Variants in NGB observed in about 807,000 individuals in gnomAD.
The protein encoded by NGB is neuroglobin.
A neutral mutation model predicts 17.3 loss-of-function variants in NGB; 12 were observed. The ratio of observed to expected loss-of-function variants is 0.69; its 90% CI spans 0.45 to 1.13. The LOEUF is 1.13. NGB is among the 50% of genes most tolerant of loss of function. The pLI is 0.00. For synonymous variants in NGB, 87 were observed against 81.0 expected (o/e 1.07, Z -0.40); for missense variants, 195 against 191.7 (o/e 1.02, Z -0.10).
intron 1 of NGB, among the ~76,000 whole-genome samples, chr14:77,269,707 T>C (rs1594876838): frequency 1.4e-3 from 2 of 1,426 alleles, no homozygotes; most frequent in African/African-American, 4.0e-3. Context: ...TCTCTCTCTC[T>C]CTCTCTCTCT....
At position 77,268,415 on chromosome 14, in the gene NGB, A is replaced by C. The variant is rs748537518; in HGVS notation, c.321+51T>G. 2.5e-6 allele frequency: 4 copies of C among 1,590,094 alleles called. No homozygotes were observed. In the East Asian group the frequency reaches 9.0e-5, roughly 36 times the overall value. ...TGGCAAGGGGAGGTCTGGGAGAGAG[A>C]AGTGGCCCCAGGCCAGGAGCTCTGG... On this transcript the variant is annotated intron_variant, in intron 3 of 3. Transcript: ENST00000298352.
intron 1 of NGB, among the ~76,000 whole-genome samples, chr14:77,270,054 G>A (rs929272159): frequency 6.6e-6 from 1 of 151,946 alleles, no homozygotes; most frequent in African/African-American, 2.4e-5. Context: ...CGGCATTTGG[G>A]AGGTCTCACC....
In NGB at chr14:77,266,396, C is replaced by T. The variant is rs556344685; in HGVS notation, c.*140G>A. 2.5e-6 allele frequency: 3 copies of T among 1,202,764 alleles called. No individual in the cohort carries two copies. In the East Asian group the frequency reaches 7.0e-5, roughly 28 times the overall value. 74.5% of individuals were successfully genotyped at this position (1,202,764 alleles called of 1,614,324 possible). The stretch of plus-strand genomic sequence containing the variant: ...AGCTGGACTCTAGGATACTGAGACC[C>T]AGCCCTGCCCCATCACCTCTCCAGT... On this transcript the variant is annotated 3_prime_UTR_variant, in exon 4 of 4. Transcript: ENST00000298352.
chr14:77,266,468 T>TG lies in NGB; in HGVS notation c.*67dup. 1 of 1,573,186 alleles carries TG rather than the reference T, an allele frequency of 6.4e-7. No homozygotes were observed. Among genetic ancestry groups the TG allele is most frequent in the Non-Finnish European group, 8.6e-7 (1 of 1,156,690 alleles). On this transcript the variant is annotated 3_prime_UTR_variant, in exon 4 of 4. Coordinates refer to ENST00000298352, the MANE Select transcript of NGB (RefSeq NM_021257.4). ...AAGATGCAGGGAAGCTTGGGGAGCC[T>TG]GGGCTACAACAGATACAGGCCAACA...
At chr14:77,269,947 C>A (rs1419972743) in intron 1 of NGB, among the ~76,000 whole-genome samples, 3 of 151,634 alleles carry the variant, frequency 2.0e-5, no homozygotes, top group African/African-American at 7.3e-5. Context: ...CTAGAACTCG[C>A]CTAAGGTCAC....
intron 3 of NGB, among the ~76,000 whole-genome samples, chr14:77,267,614 A>G (rs1017055643): frequency 1.3e-5 from 2 of 152,190 alleles, no homozygotes; most frequent in Non-Finnish European, 2.9e-5. Flanking sequence ...ATAATAAAAT[A>G]AGGTTTATTT....
chr14:77,269,213 A>C lies in NGB; in HGVS notation c.201+2T>G, dbSNP rs1020347668. ...GTCACAGCAGCTCTGCCTCCCTCTCACCTTCCTGATGTGGTCCAGGAACTC... is the reference window on the plus strand; with the variant it reads ...GTCACAGCAGCTCTGCCTCCCTCTCCCCTTCCTGATGTGGTCCAGGAACTC... On this transcript the variant is annotated splice_donor_variant, in intron 2 of 3. Transcript: ENST00000298352. LOFTEE classifies it high-confidence loss of function. 3.9e-6 allele frequency: 6 copies of C among 1,538,204 alleles called. No individual in the cohort carries two copies. The highest frequency in any genetic ancestry group is 3.9e-5 in the Admixed American group (2 of 50,934).
intron 3 of NGB, 122 bp from the exon 4 acceptor site, chr14:77,266,792 T>C (rs1889678670): frequency 9.2e-7 from 1 of 1,082,330 alleles, no homozygotes; most frequent in Non-Finnish European, 1.3e-6. Context: ...CTCTCCTGCA[T>C]TGAGTCCATG....
Position 77,269,250 on chromosome 14 carries a change from G to A in NGB, c.166C>T (p.Leu56Phe). Residue 56 changes from leucine to phenylalanine, a missense_variant, in exon 2 of 4, where the codon CTC (leucine) becomes TTC (phenylalanine). Coordinates refer to ENST00000298352, the MANE Select transcript of NGB (RefSeq NM_021257.4). Reference protein sequence around the residue: ...CRQFSSPEDCLSSPEFLDHIR... With the variant: ...CRQFSSPEDCFSSPEFLDHIR... ...TGGTCCAGGAACTCAGGCGAGGAGA[G>A]ACAGTCCTCTGGGCTGGAGAACTGG... is the stretch of plus-strand genomic sequence containing the variant. 6.4e-7 allele frequency: 1 copy of A among 1,551,690 alleles called. No individual in the cohort carries two copies. The highest frequency in any genetic ancestry group is 8.7e-7 in the Non-Finnish European group (1 of 1,146,864).
chr14:77,269,667 T>G (rs899057177), intron 1 of NGB, among the ~76,000 whole-genome samples: 1 of 124,270 alleles, frequency 8.0e-6, no homozygotes, highest in Non-Finnish European at 1.7e-5. Context: ...AGGAAAGCCC[T>G]TTCTCTCTCT....
rs1254154021 is a variant in NGB at position 77,265,546 on chromosome 14, CA to C, written c.*989del. The stretch of plus-strand genomic sequence containing the variant: ...TTATAGGACCACAGTCAGCACAGAG[CA>C]AATGGTACAAGTGCAGATGGCTGGG... On this transcript the variant is annotated 3_prime_UTR_variant, in exon 4 of 4. Transcript: ENST00000298352. The surrounding 1 kb of genome is among the most constrained non-coding windows in gnomAD (Gnocchi z 4.7). 6.5e-6 allele frequency: 1 copy of C among 153,544 alleles called. No homozygotes were observed. The highest frequency in any genetic ancestry group is 1.4e-5 in the Non-Finnish European group (1 of 68,972). The allele number at this position is 153,544 out of a possible 1,614,324, so 9.5% of individuals were successfully genotyped here. A position where few individuals can be genotyped will look rare whatever the true frequency, so the allele number is the denominator to read the frequency against.
Position 77,270,995 on chromosome 14 carries a change from C to T in NGB, c.-58G>A. The T allele has an allele frequency of 7.8e-7, 1 of 1,289,788 alleles. No homozygotes were observed. Among genetic ancestry groups the T allele is most frequent in the Non-Finnish European group, 1.0e-6 (1 of 958,630 alleles). The allele number at this position is 1,289,788 out of a possible 1,614,324, so 79.9% of individuals were successfully genotyped here. A position where few individuals can be genotyped will look rare whatever the true frequency, so the allele number is the denominator to read the frequency against. On this transcript the variant is annotated 5_prime_UTR_variant, in exon 1 of 4. Coordinates refer to ENST00000298352, the MANE Select transcript of NGB (RefSeq NM_021257.4). ...ACCCTCAGGGCTCGGGTGCCGTCAC[C>T]GCACGTGCCGCGCCATCTCCTCCGC...
chr14:77,268,882 T>C (rs183278611), intron 2 of NGB, among the ~76,000 whole-genome samples: 1 of 152,312 alleles, frequency 6.6e-6, no homozygotes, highest in African/African-American at 2.4e-5. Flanking sequence ...CTGAGGCCCT[T>C]TGAGAATCAT....
chr14:77,270,801 G>T, intron 1 of NGB, 48 bp downstream of exon 1: 1 of 1,471,460 alleles, frequency 6.8e-7, no homozygotes, highest in Non-Finnish European at 9.2e-7. Context: ...CCCCTTTCCC[G>T]CCGAGGCAGC....
Position 77,271,025 on chromosome 14 carries a change from CG to C in NGB, c.-89del. 1 of 971,990 alleles carries C rather than the reference CG, an allele frequency of 1.0e-6. No individual in the cohort carries two copies. The allele number at this position is 971,990 out of a possible 1,614,324, so 60.2% of individuals were successfully genotyped here. On this transcript the variant is annotated 5_prime_UTR_variant, in exon 1 of 4. Coordinates refer to ENST00000298352, the MANE Select transcript of NGB (RefSeq NM_021257.4). ...GTGCCGCGCCATCTCCTCCGCGACG[CG>C]GTCCCCTCCGCCCCTCGTACGCCCC... is the stretch of plus-strand genomic sequence containing the variant.
intron 1 of NGB, 31 bp from the exon 2 acceptor site, chr14:77,269,357 G>A: frequency 6.8e-7 from 1 of 1,460,712 alleles, no homozygotes; most frequent in East Asian, 2.5e-5. Context: ...TGTTAGCCCT[G>A]GGGTGTGAGC....
intron 1 of NGB, 63 bp downstream of exon 1, chr14:77,270,786 C>T (rs1416607639): frequency 2.7e-5 from 37 of 1,381,432 alleles, no homozygotes; most frequent in Middle Eastern, 3.6e-4. Flanking sequence ...GGTCCTGCCG[C>T]GTGACCCCTT....
chr14:77,270,019 C>T (rs987625938), intron 1 of NGB, among the ~76,000 whole-genome samples: 1 of 151,686 alleles, frequency 6.6e-6, no homozygotes, highest in Non-Finnish European at 1.5e-5. Flanking sequence ...GGGGGGAGTC[C>T]GGAGGCAGAA....
intron 1 of NGB, 40 bp downstream of exon 1, chr14:77,270,806 GGCA>G: frequency 6.7e-7 from 1 of 1,487,538 alleles, no homozygotes; most frequent in South Asian, 1.2e-5. Context: ...TTCCCGCCGA[GGCA>G]GCCTCCACCC....
Sources: allele counts gnomAD v4.1 joint callset (sites outside exome capture counted in the v4.1 genomes callset), GRCh38; gene constraint gnomAD v4.1.1; non-coding constraint Gnocchi (gnomAD v3.1); transcripts MANE v1.5; gene names NCBI Gene and HGNC (gene_info 2026-07-23, HGNC 2026-07-21).